CPAMD8: variants seen among roughly 807,000 people sequenced by gnomAD.
CPAMD8 encodes C3 and PZP like alpha-2-macroglobulin domain containing 8, also known as C3 and PZP-like alpha-2-macroglobulin domain-containing protein 8.
In CPAMD8, 146 loss-of-function variants were observed where a neutral mutation model predicts 224.7. The ratio of observed to expected loss-of-function variants is 0.65; its 90% CI spans 0.57 to 0.75. The LOEUF (loss-of-function observed/expected upper bound fraction) is 0.75, where lower values mean the gene tolerates loss of function less well. CPAMD8 is among the 30% of genes least tolerant of loss of function. The pLI, the probability that CPAMD8 is intolerant of heterozygous loss-of-function variation, is 0.00. For synonymous variants in CPAMD8, 966 were observed against 1,044.6 expected (o/e 0.92, Z 1.45); for missense variants, 2,301 against 2,537.5 (o/e 0.91, Z 2.00).
In CPAMD8 at chr19:16,936,220, G is replaced by A. The variant is rs140491979; in HGVS notation, c.2845+2175C>T. On this transcript the variant is annotated intron_variant, in intron 23 of 41. Transcript: ENST00000443236. The stretch of plus-strand genomic sequence containing the variant: ...TGGGATTATAGGCATGAGCCACTGC[G>A]CCCAGCTCTATTTTTAATCTTAGCC... 2.1e-3 allele frequency among the ~76,000 whole-genome samples: 312 copies of A among 151,470 alleles called. 1 individual carries two copies. The highest frequency in any genetic ancestry group is 6.8e-3 in the Middle Eastern group (2 of 292).
chr19:16,919,197 C>T (rs1422473464), intron 27 of CPAMD8, among the ~76,000 whole-genome samples: 3 of 132,428 alleles, frequency 2.3e-5, no homozygotes, highest in African/African-American at 7.7e-5. Flanking sequence ...GGTGAGACCC[C>T]ATCTCAAAAA....
chr19:16,968,335 G>A (rs1206902999), intron 18 of CPAMD8, among the ~76,000 whole-genome samples: 2 of 152,254 alleles, frequency 1.3e-5, no homozygotes, highest in African/African-American at 4.8e-5. Context: ...AGAGCCTGGG[G>A]GACTGAAGCA....
Position 16,970,955 on chromosome 19 carries a change from C to A in CPAMD8, c.2149G>T (p.Val717Phe), listed in dbSNP as rs1360530545. Residue 717 changes from valine (V) to phenylalanine (F), a missense_variant, in exon 18 of 42, where the codon GTC becomes TTC. Around this residue, in one of 4 missense-constraint regions of CPAMD8, gnomAD observed 1,709 missense variants for 1,753.2 expected, o/e 0.97. Transcript: ENST00000443236. ...QDGGLYTDEA[V>F]PAFQPHTGSL... ...CCTGTGTGGGGCTGGAAAGCGGGGA[C>A]AGCCTCATCGGTGTAGAGGCCACCG... 1 of 1,613,926 alleles carries A rather than the reference C, an allele frequency of 6.2e-7. No individual in the cohort carries two copies. Among genetic ancestry groups the A allele is most frequent in the South Asian group, 1.1e-5 (1 of 91,048 alleles).
At chr19:16,901,420 C>A in intron 35 of CPAMD8, 123 bp from the exon 36 acceptor site, 1 of 708,242 alleles carries the variant, frequency 1.4e-6, no homozygotes. Context: ...GGGGCCTGGC[C>A]GGCAGGCCAA....
At chr19:16,926,192 T>C (rs1433533868) in intron 25 of CPAMD8, among the ~76,000 whole-genome samples, 1 of 152,176 alleles carries the variant, frequency 6.6e-6, no homozygotes. Context: ...AAAATTATGG[T>C]TCTCCCATCC....
chr19:16,918,238 G>A (rs554950838), intron 27 of CPAMD8, among the ~76,000 whole-genome samples: 2 of 152,022 alleles, frequency 1.3e-5, no homozygotes, highest in East Asian at 1.9e-4. Context: ...CAGGTGATCC[G>A]CCTACCTTGG....
intron 3 of CPAMD8, 51 bp downstream of exon 3, chr19:17,020,280 A>G: frequency 6.9e-7 from 1 of 1,444,028 alleles, no homozygotes; most frequent in Non-Finnish European, 9.7e-7. Flanking sequence ...GGCCCAATTC[A>G]ATTCTTTATT....
chr19:17,024,234 G>C (rs2057025117), intron 1 of CPAMD8, among the ~76,000 whole-genome samples: 1 of 152,214 alleles, frequency 6.6e-6, no homozygotes, highest in African/African-American at 2.4e-5. Flanking sequence ...CCTGGCCACA[G>C]TGTGCACTGA....
rs2055478851 is a variant in CPAMD8, at chr19:16,980,641, T to C, written c.1441A>G (p.Asn481Asp). Reference protein sequence around the residue: ...YFSVKSTCPCNFTLYYEVAAR... With the variant: ...YFSVKSTCPCDFTLYYEVAAR... The stretch of plus-strand genomic sequence containing the variant: ...GCCACCTCGTAGTACAGGGTAAAGT[T>C]GCAGGGACATGTGGACTTCACAGAA... Residue 481 changes from asparagine to aspartate, a missense_variant, in exon 14 of 42, where the codon AAC becomes GAC. Physicochemically the swap from Asn to Asp is conservative, Grantham distance 23. Coordinates refer to ENST00000443236, the MANE Select transcript of CPAMD8 (RefSeq NM_015692.5). The C allele has an allele frequency of 6.3e-7, 1 of 1,589,578 alleles. No homozygotes were observed.
chr19:16,968,111 G>C (rs567137548), intron 18 of CPAMD8, among the ~76,000 whole-genome samples: 64 of 152,100 alleles, frequency 4.2e-4, no homozygotes, highest in African/African-American at 1.3e-3. Flanking sequence ...AAGCTCTCAG[G>C]GGTTATGCAT....
intron 15 of CPAMD8, among the ~76,000 whole-genome samples, 196 bp downstream of exon 15, chr19:16,977,172 T>C (rs1465820431): frequency 1.3e-5 from 2 of 152,138 alleles, no homozygotes; most frequent in East Asian, 1.9e-4. Flanking sequence ...GCTTTCCCCA[T>C]GTGTTTTGAA....
At chr19:16,924,603 T>TG (rs1321832928) in intron 26 of CPAMD8, among the ~76,000 whole-genome samples, 3 of 152,194 alleles carry the variant, frequency 2.0e-5, no homozygotes, top group Non-Finnish European at 4.4e-5. Flanking sequence ...TTTTTACAGT[T>TG]GGGGTCTCAC....
At chr19:17,022,537 C>T (rs1335616854) in intron 1 of CPAMD8, among the ~76,000 whole-genome samples, 1 of 151,138 alleles carries the variant, frequency 6.6e-6, no homozygotes, top group Non-Finnish European at 1.5e-5. Context: ...GTTGCTCTGT[C>T]CCCCAGGCTG....
In CPAMD8 at chr19:16,893,204, C is replaced by T; in HGVS notation, c.5562G>A (p.Arg1854=). The T allele has an allele frequency of 6.3e-7, 1 of 1,595,282 alleles. No individual in the cohort carries two copies. The highest frequency in any genetic ancestry group is 2.3e-5 in the East Asian group (1 of 44,246). ...RHSGRVVGAH[R]PGLLSPVFVY... Reference sequence around the variant, plus strand: ...CGAAGACAGGGCTCAGAAGCCCTGGCCTGTGGGCCCCCACCACCCGGCCAC... The same window carrying T: ...CGAAGACAGGGCTCAGAAGCCCTGGTCTGTGGGCCCCCACCACCCGGCCAC... The change falls in exon 42 of 42, where the codon AGG becomes AGA. Residue 1854 remains arginine (R), a synonymous_variant. Coordinates refer to ENST00000443236, the MANE Select transcript of CPAMD8 (RefSeq NM_015692.5).
chr19:16,944,899 C>T (rs372785094), intron 22 of CPAMD8, among the ~76,000 whole-genome samples: 3 of 151,468 alleles, frequency 2.0e-5, no homozygotes, highest in African/African-American at 7.3e-5. Context: ...GCTGTTGGTG[C>T]GGCACCAAAT....
chr19:17,009,974 C>T (rs1217696212), intron 5 of CPAMD8, among the ~76,000 whole-genome samples: 1 of 152,040 alleles, frequency 6.6e-6, no homozygotes. Context: ...GACCATCCTA[C>T]CAAGGGGCGT....
intron 14 of CPAMD8, among the ~76,000 whole-genome samples, chr19:16,979,217 T>TATCCATCC (rs368813862): frequency 6.8e-6 from 1 of 146,462 alleles, no homozygotes; most frequent in Non-Finnish European, 1.5e-5. Flanking sequence ...GCCCACCCAC[T>TATCCATCC]ATCCATCCAT....
At position 16,952,924 on chromosome 19, in the gene CPAMD8, C is replaced by A. The variant is rs990906860; in HGVS notation, c.2277-724G>T. Among the ~76,000 whole-genome samples, 10 of 152,112 alleles carry A rather than the reference C, an allele frequency of 6.6e-5. No homozygotes were observed. In the South Asian group the frequency reaches 8.3e-4, roughly 13 times the overall value. On this transcript the variant is annotated intron_variant, in intron 19 of 41. Coordinates refer to ENST00000443236, the MANE Select transcript of CPAMD8 (RefSeq NM_015692.5). The stretch of plus-strand genomic sequence containing the variant: ...ATCTCAAGGGATCCTGGTGGCCAAA[C>A]AAAGAAACCAGAAGAATAAAGCTGG...
intron 27 of CPAMD8, among the ~76,000 whole-genome samples, chr19:16,920,422 G>A (rs536630121): frequency 2.6e-5 from 4 of 152,326 alleles, no homozygotes; most frequent in African/African-American, 7.2e-5. Flanking sequence ...GGAGCTTGCA[G>A]TGTGCCGAGA....
Sources: gnomAD v4.1 joint callset for allele counts (sites outside exome capture counted in the v4.1 genomes callset) on GRCh38, gnomAD v4.1.1 for gene constraint, gnomAD v4.1.1 regional missense constraint, MANE v1.5 for transcripts, NCBI Gene and HGNC (gene_info 2026-07-23, HGNC 2026-07-21) for gene names.